Variants in C2CD5 observed in about 807,000 individuals in gnomAD.
C2CD5 encodes C2 domain-containing protein 5.
A neutral mutation model predicts 130.3 loss-of-function variants in C2CD5; 109 were observed. The ratio of observed to expected loss-of-function variants is 0.84; its 90% CI spans 0.72 to 0.98. The LOEUF is 0.98. Among genes scored for constraint, C2CD5 ranks in the 50% least tolerant of loss-of-function variants. C2CD5 has a pLI of 0.00. For missense variants in C2CD5, 996 were observed against 1,261.8 expected, an observed-to-expected ratio of 0.79 and a Z score of 3.19; for synonymous variants, 454 against 429.2, an observed-to-expected ratio of 1.06 and a Z score of -0.71.
intron 10 of C2CD5, among the ~76,000 whole-genome samples, chr12:22,500,916 C>A (rs1947693404): frequency 6.6e-6 from 1 of 151,978 alleles, no homozygotes; most frequent in African/African-American, 2.4e-5. Context: ...GCAATTCTAG[C>A]CCTAATAAAA....
At chr12:22,489,968 G>A (rs73076627) in intron 12 of C2CD5, among the ~76,000 whole-genome samples, 155 bp downstream of exon 12, 6,956 of 152,118 alleles carry the variant, frequency 0.046, 176 homozygotes, top group South Asian at 0.11. Context: ...CTGTTACTAC[G>A]GGTTAGTTAA....
At chr12:22,521,479 T>C (rs997135782) in intron 7 of C2CD5, among the ~76,000 whole-genome samples, 4 of 152,190 alleles carry the variant, frequency 2.6e-5, no homozygotes. Flanking sequence ...AGCTTTGTCA[T>C]TCTCCTTCCA....
intron 7 of C2CD5, among the ~76,000 whole-genome samples, chr12:22,520,868 T>C (rs967507763): frequency 6.6e-6 from 1 of 152,168 alleles, no homozygotes; most frequent in Admixed American, 6.5e-5. Flanking sequence ...GAACACACCA[T>C]TAATGTAGGT....
At chr12:22,509,641 T>C (rs541156284) in intron 9 of C2CD5, among the ~76,000 whole-genome samples, 3 of 152,352 alleles carry the variant, frequency 2.0e-5, no homozygotes, top group African/African-American at 7.2e-5. Flanking sequence ...CTATAGCAGA[T>C]TGTTAAGTAC....
intron 11 of C2CD5, among the ~76,000 whole-genome samples, chr12:22,492,325 T>C (rs553753825): frequency 1.3e-5 from 2 of 152,068 alleles, no homozygotes; most frequent in South Asian, 4.1e-4. Flanking sequence ...AGAAACTAAG[T>C]AAGGAGCTGA....
intron 10 of C2CD5, among the ~76,000 whole-genome samples, chr12:22,496,689 T>A (rs1947064851): frequency 6.7e-6 from 1 of 149,454 alleles, no homozygotes; most frequent in Admixed American, 6.7e-5. Flanking sequence ...AAATTATATA[T>A]TTTATATATA....
chr12:22,497,503 T>C lies in C2CD5; in HGVS notation c.1148-4166A>G, dbSNP rs371904728. On this transcript the variant is annotated intron_variant, in intron 10 of 26. Transcript: ENST00000446597. ...CAACAAAAGGAGATAAAATGTTAGG[T>C]TGGATCAAATAAAGGTTAATACAAT... 3.2e-4 allele frequency: 92 copies of C among 285,460 alleles called. 1 individual carries two copies. Among genetic ancestry groups the C allele is most frequent in the African/African-American group, 1.8e-3 (77 of 43,880 alleles). The allele number at this position is 285,460 out of a possible 1,614,324, so 17.7% of individuals were successfully genotyped here. A position where few individuals can be genotyped will look rare whatever the true frequency, so the allele number is the denominator to read the frequency against.
At chr12:22,475,786 A>G (rs1943755615) in intron 15 of C2CD5, among the ~76,000 whole-genome samples, 1 of 152,162 alleles carries the variant, frequency 6.6e-6, no homozygotes, top group East Asian at 1.9e-4. Flanking sequence ...TTGTACTCCA[A>G]ATTAATCTGC....
At chr12:22,512,510 A>T (rs928659338) in intron 9 of C2CD5, 30 of 582,656 alleles carry the variant, frequency 5.1e-5, no homozygotes, top group Non-Finnish European at 7.7e-5. Flanking sequence ...CTATTAAATA[A>T]AAAAAAAACT....
At chr12:22,529,429 A>AT (rs1437861288) in intron 3 of C2CD5, among the ~76,000 whole-genome samples, 1 of 152,006 alleles carries the variant, frequency 6.6e-6, no homozygotes, top group African/African-American at 2.4e-5. Flanking sequence ...TCTGAGTATT[A>AT]TTTTTTCTCA....
At chr12:22,508,927 A>G (rs1036756309) in intron 9 of C2CD5, among the ~76,000 whole-genome samples, 1 of 148,304 alleles carries the variant, frequency 6.7e-6, no homozygotes, top group Non-Finnish European at 1.5e-5. Context: ...CAGACTGCGG[A>G]CTGCAGTGGC....
At chr12:22,498,389 C>T (rs1023208229) in intron 10 of C2CD5, among the ~76,000 whole-genome samples, 5 of 151,928 alleles carry the variant, frequency 3.3e-5, no homozygotes, top group Non-Finnish European at 5.9e-5. Flanking sequence ...GAAACTTAAA[C>T]TAAAAAAAAC....
chr12:22,484,155 C>T (rs560082206), intron 13 of C2CD5, among the ~76,000 whole-genome samples: 17 of 152,044 alleles, frequency 1.1e-4, no homozygotes, highest in African/African-American at 3.1e-4. Context: ...AATTTCAAGG[C>T]GAAAATAATT....
At chr12:22,536,345 T>C (rs74068228) in intron 2 of C2CD5, among the ~76,000 whole-genome samples, 7,027 of 152,236 alleles carry the variant, frequency 0.046, 553 homozygotes, top group African/African-American at 0.16. Context: ...CTATTTTAAA[T>C]GCATTATTTT....
chr12:22,486,186 G>GAA (rs35716305), intron 12 of C2CD5, among the ~76,000 whole-genome samples: 58 of 111,368 alleles, frequency 5.2e-4, no homozygotes, highest in Middle Eastern at 4.8e-3. Flanking sequence ...GGCTTGAATG[G>GAA]AAAAAAAAAA....
chr12:22,456,103 G>C (rs1939799147), intron 25 of C2CD5, among the ~76,000 whole-genome samples: 1 of 152,206 alleles, frequency 6.6e-6, no homozygotes, highest in Admixed American at 6.5e-5. Flanking sequence ...CTAGGCGCAG[G>C]ATGGTGAGTA....
rs1181854123 is a variant in C2CD5, at chr12:22,453,818, T to C, written c.3024+78A>G. On this transcript the variant is annotated intron_variant, in intron 26 of 26. Coordinates refer to ENST00000446597, the MANE Select transcript of C2CD5 (RefSeq NM_001286176.2). ...AGGGCTCTAAAGAGCAATTCTCTTTTGGAGGGGGTTAGGGGTAGGAAGCCA... is the reference window on the plus strand; with the variant it reads ...AGGGCTCTAAAGAGCAATTCTCTTTCGGAGGGGGTTAGGGGTAGGAAGCCA... 2.3e-6 allele frequency: 3 copies of C among 1,311,224 alleles called. No individual in the cohort carries two copies. In the East Asian group the frequency reaches 6.9e-5, roughly 30 times the overall value. 81.2% of individuals were successfully genotyped at this position (1,311,224 alleles called of 1,614,324 possible). A position where few individuals can be genotyped will look rare whatever the true frequency, so the allele number is the denominator to read the frequency against.
chr12:22,454,741 C>T (rs774211291), intron 25 of C2CD5, among the ~76,000 whole-genome samples: 1 of 152,094 alleles, frequency 6.6e-6, no homozygotes, highest in Non-Finnish European at 1.5e-5. Flanking sequence ...TAATTAGATA[C>T]TAATTATATG....
intron 22 of C2CD5, among the ~76,000 whole-genome samples, chr12:22,467,343 A>AT (rs1565662296): frequency 6.6e-6 from 1 of 151,734 alleles, no homozygotes; most frequent in Non-Finnish European, 1.5e-5. Flanking sequence ...AATTTTTTGT[A>AT]TTTTTTGTAG....
Sources: allele counts gnomAD v4.1 joint callset (sites outside exome capture counted in the v4.1 genomes callset), GRCh38; gene constraint gnomAD v4.1.1; transcripts MANE v1.5; gene names NCBI Gene and HGNC (gene_info 2026-07-23, HGNC 2026-07-21).